TMEM236: variants seen among roughly 807,000 people sequenced by gnomAD.
TMEM236 encodes transmembrane protein 236, also known as family with sequence similarity 23, member A.
A neutral mutation model predicts 14.7 loss-of-function variants in TMEM236; 11 were observed. The ratio of observed to expected loss-of-function variants is 0.75; its 90% confidence interval spans 0.47 to 1.24. TMEM236 has a LOEUF of 1.24. TMEM236 is among the 50% of genes most tolerant of loss of function. The pLI is 0.00. For synonymous variants in TMEM236, 182 were observed against 168.6 expected, an observed-to-expected ratio of 1.08 and a Z score of -0.62; for missense variants, 464 against 427.3, an observed-to-expected ratio of 1.09 and a Z score of -0.76.
intron 1 of TMEM236, among the ~76,000 whole-genome samples, chr10:17,753,196 T>C (rs947384820): frequency 1.3e-5 from 2 of 152,160 alleles, no homozygotes; most frequent in Admixed American, 1.3e-4. Flanking sequence ...GCCCAGCCTG[T>C]AAAAGAATTC....
At chr10:17,785,362 C>G (rs1486487317) in intron 3 of TMEM236, among the ~76,000 whole-genome samples, 1 of 152,164 alleles carries the variant, frequency 6.6e-6, no homozygotes, top group Non-Finnish European at 1.5e-5. Context: ...ATGATGCCCA[C>G]TCTGAGAACC....
At chr10:17,768,086 G>GTTTTTTTTTTTTTTTTTTTTTTTTTTT (rs879036347) in intron 1 of TMEM236, among the ~76,000 whole-genome samples, 2 of 92,022 alleles carry the variant, frequency 2.2e-5, no homozygotes, top group African/African-American at 4.4e-5. Flanking sequence ...AATTTTTGTG[G>GTTTTTTTTTTTTTTTTTTTTTTTTTTT]TTTTTTTTTT....
At chr10:17,760,714 G>A (rs1383343798) in intron 1 of TMEM236, among the ~76,000 whole-genome samples, 2 of 152,164 alleles carry the variant, frequency 1.3e-5, no homozygotes, top group African/African-American at 2.4e-5. Context: ...AAGGAAAGAG[G>A]TTTGATGGAC....
At chr10:17,753,131 T>G (rs1837233433) in intron 1 of TMEM236, among the ~76,000 whole-genome samples, 1 of 152,060 alleles carries the variant, frequency 6.6e-6, no homozygotes, top group Non-Finnish European at 1.5e-5. Context: ...TGACCTCAAA[T>G]GATCCACCCA....
intron 1 of TMEM236, among the ~76,000 whole-genome samples, chr10:17,759,268 C>A (rs1837323398): frequency 6.6e-6 from 1 of 152,154 alleles, no homozygotes. Flanking sequence ...ACAAGGCTAG[C>A]CTGAAACTGG....
chr10:17,772,616 C>G (rs929399913), intron 2 of TMEM236, among the ~76,000 whole-genome samples: 1 of 151,786 alleles, frequency 6.6e-6, no homozygotes, highest in Non-Finnish European at 1.5e-5. Context: ...TAATTTTCAC[C>G]GAAGTATAAC....
chr10:17,779,391 G>T (rs930484852), intron 3 of TMEM236, among the ~76,000 whole-genome samples: 19 of 151,716 alleles, frequency 1.3e-4, no homozygotes, highest in Non-Finnish European at 2.2e-4. Context: ...ATCTTGGTGG[G>T]GTACACACTG....
intron 1 of TMEM236, among the ~76,000 whole-genome samples, chr10:17,770,343 AG>A (rs1340151546): frequency 9.2e-5 from 14 of 152,174 alleles, no homozygotes; most frequent in African/African-American, 2.9e-4. Context: ...CCATAAATTA[AG>A]GATGCTAAAC....
intron 3 of TMEM236, among the ~76,000 whole-genome samples, chr10:17,788,217 A>G (rs1837868809): frequency 6.6e-6 from 1 of 150,864 alleles, no homozygotes; most frequent in African/African-American, 2.4e-5. Context: ...TAAATAATAT[A>G]ATTACTTTTG....
In TMEM236 at chr10:17,798,421, C is replaced by G. The variant is rs1838049115; in HGVS notation, c.*1917C>G. On this transcript the variant is annotated 3_prime_UTR_variant, in exon 4 of 4. Transcript: ENST00000377495. The stretch of plus-strand genomic sequence containing the variant: ...GGGCATGGTGATCTGCAACTATAGT[C>G]CCAGCTACTTAGGAGGCTGGGGCAG... 1 of 395,016 alleles carries G rather than the reference C, an allele frequency of 2.5e-6. No individual in the cohort carries two copies. The highest frequency in any genetic ancestry group is 2.1e-5 in the African/African-American group (1 of 47,326). 24.5% of individuals were successfully genotyped at this position (395,016 alleles called of 1,614,324 possible).
At chr10:17,772,246 T>C (rs1241921813) in intron 2 of TMEM236, among the ~76,000 whole-genome samples, 1 of 152,170 alleles carries the variant, frequency 6.6e-6, no homozygotes, top group Non-Finnish European at 1.5e-5. Flanking sequence ...ATGTATGACA[T>C]TAGAAATTAC....
At chr10:17,783,081 T>C (rs1837780051) in intron 3 of TMEM236, among the ~76,000 whole-genome samples, 1 of 152,014 alleles carries the variant, frequency 6.6e-6, no homozygotes, top group African/African-American at 2.4e-5. Context: ...AACCTCTCAG[T>C]GAGGTGACTG....
chr10:17,771,141 G>A (rs893148323), intron 1 of TMEM236, 168 bp from the exon 2 acceptor site: 38 of 650,380 alleles, frequency 5.8e-5, no homozygotes, highest in Non-Finnish European at 8.8e-5. Flanking sequence ...GTTTCTGCGC[G>A]TGTTCCTCTT....
intron 3 of TMEM236, among the ~76,000 whole-genome samples, chr10:17,777,129 G>C (rs1348896524): frequency 3.9e-5 from 6 of 152,146 alleles, no homozygotes; most frequent in Non-Finnish European, 8.8e-5. Context: ...GTCATTTATG[G>C]GTCAGATATC....
At chr10:17,762,616 T>TATATATATATATATAC (rs1554834058) in intron 1 of TMEM236, among the ~76,000 whole-genome samples, 2 of 54,218 alleles carry the variant, frequency 3.7e-5, no homozygotes, top group Non-Finnish European at 7.0e-5. Context: ...TATATATATA[T>TATATATATATATATAC]ATACACACAT....
intron 2 of TMEM236, among the ~76,000 whole-genome samples, chr10:17,771,938 A>G (rs914452462): frequency 3.3e-5 from 5 of 152,364 alleles, no homozygotes; most frequent in South Asian, 2.1e-4. Flanking sequence ...CAAGAAGGTC[A>G]GAGAAGAATG....
Position 17,798,296 on chromosome 10 carries a change from T to C in TMEM236, c.*1792T>C. ...GCTCACACGTGTAATCCCAGCACTT[T>C]GGGAGGTTGAGGCAGGTAGATCACT... On this transcript the variant is annotated 3_prime_UTR_variant, in exon 4 of 4. Coordinates refer to ENST00000377495, the MANE Select transcript of TMEM236 (RefSeq NM_001098844.3). 3.3e-6 allele frequency: 1 copy of C among 299,934 alleles called. No individual in the cohort carries two copies. Among genetic ancestry groups the C allele is most frequent in the Non-Finnish European group, 6.5e-6 (1 of 154,538 alleles). 18.6% of individuals were successfully genotyped at this position (299,934 alleles called of 1,614,324 possible).
intron 1 of TMEM236, 137 bp downstream of exon 1, chr10:17,752,689 C>T: frequency 1.2e-6 from 1 of 861,856 alleles, no homozygotes; most frequent in Admixed American, 2.0e-5. Context: ...GCCTCAGCCT[C>T]CTGAGTAGCT....
At chr10:17,762,749 C>T (rs1837396686) in intron 1 of TMEM236, among the ~76,000 whole-genome samples, 1 of 150,950 alleles carries the variant, frequency 6.6e-6, no homozygotes, top group African/African-American at 2.4e-5. Context: ...CTCACTCCAG[C>T]CTCAACTTCC....
Sources: allele counts gnomAD v4.1 joint callset (sites outside exome capture counted in the v4.1 genomes callset), GRCh38; gene constraint gnomAD v4.1.1; transcripts MANE v1.5; gene names NCBI Gene and HGNC (gene_info 2026-07-23, HGNC 2026-07-21).